The following TNIP1 variants were observed in gnomAD, a reference collection of about 807,000 sequenced individuals.
TNIP1 encodes TNFAIP3 interacting protein 1.
Under a neutral mutation model 86.6 loss-of-function variants are expected in TNIP1, and 22 were observed. That is an observed-to-expected ratio of 0.25 (90% CI 0.18 to 0.36). The LOEUF is 0.36. TNIP1 is among the 10% of genes least tolerant of loss of function. The pLI is 1.00. For missense variants in TNIP1, 709 were observed against 820.6 expected, an observed-to-expected ratio of 0.86 and a Z score of 1.66; for synonymous variants, 294 against 313.0, an observed-to-expected ratio of 0.94 and a Z score of 0.64.
At chr5:151,034,171 A>G (rs73799404) in intron 15 of TNIP1, among the ~76,000 whole-genome samples, 3,934 of 101,726 alleles carry the variant, frequency 0.039, 174 homozygotes, top group African/African-American at 0.14. Context: ...ACAGAAGGCT[A>G]GTACATGGGC....
At chr5:151,062,234 G>A in intron 3 of TNIP1, 22 bp from the exon 4 acceptor site, 2 of 1,610,198 alleles carry the variant, frequency 1.2e-6, no homozygotes, top group Non-Finnish European at 1.7e-6. Context: ...AGAAAGCACA[G>A]ATGAACTGAC....
chr5:151,065,132 C>T lies in TNIP1; in HGVS notation c.-36-1G>A. On this transcript the variant is annotated splice_acceptor_variant, in intron 1 of 17. Transcript: ENST00000521591. LOFTEE classifies it low-confidence loss of function (5UTR_SPLICE). The stretch of plus-strand genomic sequence containing the variant: ...AGCCCCTGCCGTGGTGCCCGCCTGG[C>T]TGTAAGGACAACAGCAGCATATCAG... 2.5e-6 allele frequency: 4 copies of T among 1,602,898 alleles called. No homozygotes were observed. In the South Asian group the frequency reaches 4.4e-5, roughly 18 times the overall value.
chr5:151,034,510 T>G, intron 15 of TNIP1: 1 of 262,734 alleles, frequency 3.8e-6, no homozygotes. Context: ...CACGGAAGGC[T>G]GGGTAAATGG....
chr5:151,076,619 T>C (rs971330335), intron 1 of TNIP1, among the ~76,000 whole-genome samples: 1 of 152,174 alleles, frequency 6.6e-6, no homozygotes, highest in Admixed American at 6.5e-5. Flanking sequence ...TGGTGGCCAC[T>C]GTGCACTCTC....
At chr5:151,035,148 C>G (rs2233304) in intron 14 of TNIP1, 81 bp from the exon 15 acceptor site, 1 of 1,475,834 alleles carries the variant, frequency 6.8e-7, no homozygotes, top group East Asian at 2.3e-5. Flanking sequence ...TAACCAGCCA[C>G]GAGGACTGAC....
rs115375800 is a variant in TNIP1, at chr5:151,074,513, A to T, written c.-37+6367T>A. ...ACTTTCCTTGTTTCTCCCTATGGAA[A>T]TGTTATGAGGACCAAGTAGGAACCA... is the stretch of plus-strand genomic sequence containing the variant. On this transcript the variant is annotated intron_variant, in intron 1 of 17. Transcript: ENST00000521591. Among the ~76,000 whole-genome samples the T allele has an allele frequency of 7.5e-3, 1,147 of 152,266 alleles. 11 individuals carry two copies. Among genetic ancestry groups the T allele is most frequent in the African/African-American group, 0.026 (1,075 of 41,556 alleles).
chr5:151,069,339 C>T (rs1040369448), intron 1 of TNIP1, among the ~76,000 whole-genome samples: 2 of 152,174 alleles, frequency 1.3e-5, no homozygotes, highest in African/African-American at 2.4e-5. Context: ...TCCCAGACCC[C>T]CCAAATGATA....
intron 12 of TNIP1, 53 bp downstream of exon 12, chr5:151,039,044 T>C (rs964777917): frequency 2.0e-5 from 31 of 1,581,270 alleles, no homozygotes; most frequent in African/African-American, 8.1e-5. Flanking sequence ...GGGGTGGGCA[T>C]TGCAGCTGGA....
At chr5:151,034,514 T>C (rs1210116134) in intron 15 of TNIP1, 6 of 193,668 alleles carry the variant, frequency 3.1e-5, no homozygotes, top group Non-Finnish European at 5.6e-5. Context: ...GAAGGCTGGG[T>C]AAATGGACAC....
At chr5:151,041,625 C>T (rs1199876829) in intron 11 of TNIP1, among the ~76,000 whole-genome samples, 1 of 152,204 alleles carries the variant, frequency 6.6e-6, no homozygotes, top group Non-Finnish European at 1.5e-5. Context: ...CCTCGGCATC[C>T]CAAAGTGCCA....
intron 3 of TNIP1, among the ~76,000 whole-genome samples, chr5:151,062,720 A>C (rs1761737841): frequency 6.6e-6 from 1 of 152,124 alleles, no homozygotes; most frequent in African/African-American, 2.4e-5. Flanking sequence ...AGGTAGCTTC[A>C]TTTCTCACTC....
intron 1 of TNIP1, among the ~76,000 whole-genome samples, chr5:151,077,070 G>A (rs891690816): frequency 6.6e-6 from 1 of 152,156 alleles, no homozygotes; most frequent in Non-Finnish European, 1.5e-5. Context: ...AGTTTATTTG[G>A]CTCATGGTTC....
rs1760026858 is a variant in TNIP1, at chr5:151,052,209, C to T, written c.678G>A (p.Leu226=). 1 of 1,613,980 alleles carries T rather than the reference C, an allele frequency of 6.2e-7. No homozygotes were observed. The highest frequency in any genetic ancestry group is 8.5e-7 in the Non-Finnish European group (1 of 1,180,016). The part of the protein sequence containing the change: ...RKENEALKAK[L]DKGLEQRDQA... ...GATCCCGCTGTTCCAGGCCCTTATC[C>T]AACTTGGCCTTCAGAGCCTCGTTCT... The change falls in exon 7 of 18, where the codon TTG becomes TTA. Residue 226 remains leucine (L), a synonymous_variant. Coordinates refer to ENST00000521591, the MANE Select transcript of TNIP1 (RefSeq NM_006058.5).
chr5:151,044,900 T>C (rs541912974), intron 9 of TNIP1, among the ~76,000 whole-genome samples: 7 of 152,328 alleles, frequency 4.6e-5, no homozygotes, highest in Middle Eastern at 3.4e-3. Context: ...AACTGGCTCC[T>C]GCACCTTAGT....
chr5:151,082,497 T>A (rs190155505), upstream of TNIP1, among the ~76,000 whole-genome samples: 36 of 152,324 alleles, frequency 2.4e-4, no homozygotes, highest in African/African-American at 7.7e-4. Context: ...TCCTGCTCTT[T>A]GTGCCTGTAC....
At chr5:151,055,276 C>A (rs1363349898) in intron 6 of TNIP1, among the ~76,000 whole-genome samples, 1 of 152,058 alleles carries the variant, frequency 6.6e-6, no homozygotes, top group African/African-American at 2.4e-5. Flanking sequence ...TTATTACAAA[C>A]TATGATAAGA....
Position 151,045,841 on chromosome 5 carries a change from C to T in TNIP1, c.936+20G>A, listed in dbSNP as rs1394230818. ...GGAGGTAAGAGGGATCCTCCCACTA[C>T]TGCCACCTCGGCCACCTACCTCACT... is the stretch of plus-strand genomic sequence containing the variant. On this transcript the variant is annotated intron_variant, in intron 9 of 17. Transcript: ENST00000521591. The T allele has an allele frequency of 1.2e-6, 2 of 1,612,836 alleles. No individual in the cohort carries two copies.
intron 1 of TNIP1, among the ~76,000 whole-genome samples, chr5:151,076,797 G>A (rs1422592915): frequency 6.6e-6 from 1 of 152,188 alleles, no homozygotes; most frequent in African/African-American, 2.4e-5. Flanking sequence ...GGTGGAAAGC[G>A]CCCTGATCCC....
chr5:151,054,675 T>A (rs1471268903), intron 6 of TNIP1, among the ~76,000 whole-genome samples: 1 of 152,058 alleles, frequency 6.6e-6, no homozygotes, highest in Non-Finnish European at 1.5e-5. Flanking sequence ...CAAGACCCTG[T>A]CCCCCAACAC....
Sources: allele counts gnomAD v4.1 joint callset (sites outside exome capture counted in the v4.1 genomes callset), GRCh38; gene constraint gnomAD v4.1.1; transcripts MANE v1.5; gene names NCBI Gene and HGNC (gene_info 2026-07-23, HGNC 2026-07-21).